The following ATG10 variants were observed in gnomAD, a reference collection of about 807,000 sequenced individuals.
The protein encoded by ATG10 is autophagy related 10, also known as ubiquitin-like-conjugating enzyme ATG10.
ATG10 carries 30 observed loss-of-function variants against 32.1 expected under a neutral mutation model. That is an observed-to-expected ratio of 0.94 (90% CI 0.70 to 1.27). The LOEUF (loss-of-function observed/expected upper bound fraction) is 1.27. Ranked by LOEUF, ATG10 falls within the 50% of genes most tolerant of loss-of-function variation. ATG10 has a pLI of 0.00. For synonymous variants in ATG10, 87 were observed against 91.5 expected, an observed-to-expected ratio of 0.95 and a Z score of 0.28; for missense variants, 233 against 262.3, an observed-to-expected ratio of 0.89 and a Z score of 0.77.
At chr5:82,026,195 A>G (rs1762589852) in intron 2 of ATG10, among the ~76,000 whole-genome samples, 1 of 152,096 alleles carries the variant, frequency 6.6e-6, no homozygotes, top group African/African-American at 2.4e-5. Flanking sequence ...GTCTCTGTGA[A>G]TTTGACTACT....
chr5:82,000,823 A>AT (rs1761826829), intron 2 of ATG10, among the ~76,000 whole-genome samples: 1 of 152,082 alleles, frequency 6.6e-6, no homozygotes, highest in Admixed American at 6.6e-5. Context: ...TGCCCAGCTA[A>AT]TTTTTGTATT....
intron 3 of ATG10, among the ~76,000 whole-genome samples, chr5:82,128,430 T>G (rs1044978106): frequency 6.6e-6 from 1 of 152,058 alleles, no homozygotes; most frequent in African/African-American, 2.4e-5. Context: ...TGGTACTGGT[T>G]TTTCCTTTCC....
At chr5:82,084,287 G>T (rs1040341544) in intron 3 of ATG10, among the ~76,000 whole-genome samples, 2 of 152,102 alleles carry the variant, frequency 1.3e-5, no homozygotes, top group Non-Finnish European at 1.5e-5. Context: ...AGAGTAAAAA[G>T]AGTAAAAAGA....
chr5:81,987,678 G>C lies in ATG10; in HGVS notation c.108G>C (p.Lys36Asn). ...IGDSWEWRPS[K>N]DCSDGYMCKI... ...ATAGTTGGGAATGGAGACCATCAAA[G>C]GTAAGAATGGAAATGTTTGTTTTCT... Residue 36 changes from lysine (K) to asparagine (N), a missense_variant and splice_region_variant, in exon 2 of 8, where the codon AAG becomes AAC. Lys to Asn is a moderately conservative substitution (Grantham distance 94). Transcript: ENST00000282185. 1 of 1,596,532 alleles carries C rather than the reference G, an allele frequency of 6.3e-7. No homozygotes were observed. Among genetic ancestry groups the C allele is most frequent in the Non-Finnish European group, 8.5e-7 (1 of 1,169,742 alleles).
At chr5:82,082,047 C>G (rs759708849) in intron 3 of ATG10, among the ~76,000 whole-genome samples, 3 of 152,116 alleles carry the variant, frequency 2.0e-5, no homozygotes, top group African/African-American at 4.8e-5. Context: ...TTCATTATCA[C>G]AAGAACAGTG....
intron 2 of ATG10, among the ~76,000 whole-genome samples, chr5:82,026,146 C>G (rs1027762470): frequency 2.0e-5 from 3 of 152,138 alleles, no homozygotes; most frequent in Non-Finnish European, 2.9e-5. Flanking sequence ...TCCTCATTCC[C>G]ATTTCCTCCA....
At chr5:82,124,256 G>C (rs1469309813) in intron 3 of ATG10, among the ~76,000 whole-genome samples, 8 of 150,904 alleles carry the variant, frequency 5.3e-5, no homozygotes, top group Admixed American at 3.3e-4. Context: ...GCCCGCCTTG[G>C]CCTCCCAAAG....
chr5:81,990,085 T>C (rs2149670598), intron 2 of ATG10, among the ~76,000 whole-genome samples: 1 of 152,296 alleles, frequency 6.6e-6, no homozygotes, highest in South Asian at 2.1e-4. Context: ...TTTTTTATTG[T>C]TTTTTAAATT....
At chr5:82,021,807 A>C (rs1762446220) in intron 2 of ATG10, among the ~76,000 whole-genome samples, 2 of 151,524 alleles carry the variant, frequency 1.3e-5, no homozygotes, top group Non-Finnish European at 2.9e-5. Context: ...GGCGGATCAC[A>C]AGGTCAAGAG....
At chr5:82,041,426 T>C (rs1398926657) in intron 2 of ATG10, among the ~76,000 whole-genome samples, 2 of 152,196 alleles carry the variant, frequency 1.3e-5, no homozygotes, top group East Asian at 1.9e-4. Context: ...TTTTGAGATA[T>C]TTGTGACATA....
In ATG10 at chr5:82,178,536, G is replaced by C; in HGVS notation, c.402G>C (p.Glu134Asp). ...TLKDIWEGVHECYKMRLLQGP... is the reference protein window; with the variant it reads ...TLKDIWEGVHDCYKMRLLQGP... ...AGGACATATGGGAAGGAGTTCATGAGTGCTATAAGATGCGACTGCTACAGG... is the reference window on the plus strand; with the variant it reads ...AGGACATATGGGAAGGAGTTCATGACTGCTATAAGATGCGACTGCTACAGG... The change falls in exon 5 of 8, where the codon GAG becomes GAC. Residue 134 changes from glutamate (E) to aspartate (D), a missense_variant. Transcript: ENST00000282185. 6.2e-7 allele frequency: 1 copy of C among 1,612,568 alleles called. No homozygotes were observed. The highest frequency in any genetic ancestry group is 8.5e-7 in the Non-Finnish European group (1 of 1,178,834).
At chr5:82,208,870 A>G (rs547142149) in intron 5 of ATG10, among the ~76,000 whole-genome samples, 20 of 152,180 alleles carry the variant, frequency 1.3e-4, no homozygotes, top group Non-Finnish European at 2.4e-4. Context: ...GTAATATAGT[A>G]TCCCTTTAAT....
chr5:82,254,775 A>T lies in ATG10; in HGVS notation c.*712A>T, dbSNP rs1266157195. The stretch of plus-strand genomic sequence containing the variant: ...AGATATATAAAAATTAAATTACTGG[A>T]TTTACCTGTCCCTGAAACTGGTGTT... On this transcript the variant is annotated 3_prime_UTR_variant, in exon 8 of 8. Coordinates refer to ENST00000282185, the MANE Select transcript of ATG10 (RefSeq NM_031482.5). The T allele has an allele frequency of 1.3e-5, 2 of 151,904 alleles. No homozygotes were observed. The highest frequency in any genetic ancestry group is 2.9e-5 in the Non-Finnish European group (2 of 67,994). The allele number at this position is 151,904 out of a possible 1,614,324, so 9.4% of individuals were successfully genotyped here.
chr5:82,192,133 G>A (rs1236270603), intron 5 of ATG10, among the ~76,000 whole-genome samples: 1 of 152,214 alleles, frequency 6.6e-6, no homozygotes, highest in Admixed American at 6.5e-5. Flanking sequence ...AGAGGACGGG[G>A]CATCCATTTT....
chr5:82,232,147 G>C (rs369979827), intron 5 of ATG10, among the ~76,000 whole-genome samples: 1 of 152,088 alleles, frequency 6.6e-6, no homozygotes, highest in African/African-American at 2.4e-5. Context: ...GGGGTGTGCC[G>C]CAACACACCT....
At chr5:82,246,071 CTT>C (rs11340753) in intron 5 of ATG10, among the ~76,000 whole-genome samples, 174 of 125,070 alleles carry the variant, frequency 1.4e-3, no homozygotes, top group Admixed American at 2.4e-3. Flanking sequence ...TAATACTGAC[CTT>C]TTTTTTTTTT....
Position 82,054,838 on chromosome 5 carries a change from A to G in ATG10, c.109-3657A>G, listed in dbSNP as rs141925097. ...GGCCTAGGCCCTGAGCTTATGATCT[A>G]GTGGGAGAAATAAAACTAACAAATG... On this transcript the variant is annotated intron_variant, in intron 2 of 7. Transcript: ENST00000282185. Among the ~76,000 whole-genome samples the G allele has an allele frequency of 5.2e-3, 797 of 152,336 alleles. 5 individuals carry two copies. The highest frequency in any genetic ancestry group is 0.015 in the African/African-American group (644 of 41,572).
At chr5:81,988,179 CA>C (rs1761345013) in intron 2 of ATG10, among the ~76,000 whole-genome samples, 1 of 152,222 alleles carries the variant, frequency 6.6e-6, no homozygotes, top group Non-Finnish European at 1.5e-5. Flanking sequence ...CTCTGTCCCC[CA>C]CGCTGGAGTG....
chr5:82,061,815 T>A, intron 3 of ATG10, among the ~76,000 whole-genome samples: 2 of 122,466 alleles, frequency 1.6e-5, no homozygotes, highest in East Asian at 2.4e-4. Context: ...TATACACACA[T>A]ACCTTTTTTT....
Sources: gnomAD v4.1 joint callset for allele counts (sites outside exome capture counted in the v4.1 genomes callset) on GRCh38, gnomAD v4.1.1 for gene constraint, MANE v1.5 for transcripts, NCBI Gene and HGNC (gene_info 2026-07-23, HGNC 2026-07-21) for gene names.